The following MRRF variants were observed in gnomAD, a reference collection of about 807,000 sequenced individuals.
MRRF encodes ribosome-recycling factor, mitochondrial.
In MRRF, 18 loss-of-function variants were observed where a neutral mutation model predicts 25.1. That is an observed-to-expected ratio of 0.72 (90% CI 0.50 to 1.06). MRRF has a LOEUF of 1.06. MRRF is among the 50% of genes least tolerant of loss of function. The pLI is 0.00. For missense variants in MRRF, 323 were observed against 319.3 expected (o/e 1.01, Z -0.09); for synonymous variants, 113 against 112.1 (o/e 1.01, Z -0.05).
At chr9:122,311,726 A>T (rs1835217549) in intron 5 of MRRF, among the ~76,000 whole-genome samples, 1 of 152,320 alleles carries the variant, frequency 6.6e-6, no homozygotes, top group South Asian at 2.1e-4. Flanking sequence ...ACAGTGAGAT[A>T]CCTATTTGAA....
intron 5 of MRRF, among the ~76,000 whole-genome samples, chr9:122,308,691 T>C (rs1388454621): frequency 1.8e-5 from 2 of 109,896 alleles, no homozygotes; most frequent in Admixed American, 1.2e-4. Context: ...AGAGCAAGAC[T>C]CCATCTCCAA....
intron 6 of MRRF, among the ~76,000 whole-genome samples, chr9:122,315,992 T>A (rs895954383): frequency 4.3e-4 from 65 of 152,324 alleles, no homozygotes; most frequent in African/African-American, 1.5e-3. Context: ...GTGATTTTTT[T>A]AAGTGAAAAT....
At chr9:122,319,147 CT>C (rs35949709) in intron 6 of MRRF, among the ~76,000 whole-genome samples, 1,399 of 121,026 alleles carry the variant, frequency 0.012, 11 homozygotes, top group African/African-American at 0.038. Context: ...TTCTTTCTTT[CT>C]TTTTTTTTTT....
intron 1 of MRRF, among the ~76,000 whole-genome samples, chr9:122,270,626 C>T (rs1832388957): frequency 6.6e-6 from 1 of 152,020 alleles, no homozygotes; most frequent in Non-Finnish European, 1.5e-5. Flanking sequence ...GTTTGGAGTC[C>T]AAAGTGGGGA....
chr9:122,285,884 C>T, intron 4 of MRRF: 1 of 1,285,998 alleles, frequency 7.8e-7, no homozygotes. Context: ...CCAGGAAGTC[C>T]TTTTATACTA....
chr9:122,296,708 TTCTGCC>T (rs1834107733), intron 5 of MRRF, among the ~76,000 whole-genome samples: 1 of 152,218 alleles, frequency 6.6e-6, no homozygotes, highest in Admixed American at 6.5e-5. Context: ...CAGGCCAGGT[TTCTGCC>T]TCCACCTTAT....
At chr9:122,303,838 G>A (rs1054397802) in intron 5 of MRRF, among the ~76,000 whole-genome samples, 1 of 152,172 alleles carries the variant, frequency 6.6e-6, no homozygotes, top group Non-Finnish European at 1.5e-5. Flanking sequence ...CTCTTGCCAT[G>A]TAATCACATT....
At position 122,270,990 on chromosome 9, in the gene MRRF, AGT is replaced by A; in HGVS notation, c.101_102del (p.Val34AlafsTer2). ...CCGTTTCAGAAGTTACACTGAAGAC[AGT>A]GCATGAAAGACAACATGGCCATAGG... The part of the protein sequence containing the change: ...RPVSEVTLKT[V>X]HERQHGHRQY... On this transcript the variant is annotated frameshift_variant, in exon 2 of 7. Coordinates refer to ENST00000344641, the MANE Select transcript of MRRF (RefSeq NM_138777.5). LOFTEE classifies it high-confidence loss of function. The A allele has an allele frequency of 6.2e-7, 1 of 1,614,214 alleles. No individual in the cohort carries two copies. The highest frequency in any genetic ancestry group is 1.3e-5 in the African/African-American group (1 of 75,070).
chr9:122,328,930 C>T lies in MRRF; in HGVS notation c.*6313C>T, dbSNP rs1836213924. 6.6e-6 allele frequency: 1 copy of T among 151,970 alleles called. No homozygotes were observed. Among genetic ancestry groups the T allele is most frequent in the Middle Eastern group, 3.2e-3 (1 of 316 alleles). The allele number at this position is 151,970 out of a possible 1,614,324, so 9.4% of individuals were successfully genotyped here. A position where few individuals can be genotyped will look rare whatever the true frequency, so the allele number is the denominator to read the frequency against. On this transcript the variant is annotated 3_prime_UTR_variant, in exon 7 of 7. Coordinates refer to ENST00000344641, the MANE Select transcript of MRRF (RefSeq NM_138777.5). Reference sequence around the variant, plus strand: ...ACTTGAACTCCTGGGTTCAAGTGATCCTGGAACTGCAGATATGCACAGCTG... The same window carrying T: ...ACTTGAACTCCTGGGTTCAAGTGATTCTGGAACTGCAGATATGCACAGCTG...
chr9:122,297,693 G>A (rs774695870), intron 5 of MRRF, among the ~76,000 whole-genome samples: 2 of 152,158 alleles, frequency 1.3e-5, no homozygotes, highest in African/African-American at 2.4e-5. Context: ...CATGGGGACC[G>A]TAATTGGGAA....
rs1833309778 is a variant in MRRF, at chr9:122,285,163, T to C, written c.341-6T>C. On this transcript the variant is annotated splice_polypyrimidine_tract_variant and splice_region_variant and intron_variant, in intron 3 of 6. Coordinates refer to ENST00000344641, the MANE Select transcript of MRRF (RefSeq NM_138777.5). The stretch of plus-strand genomic sequence containing the variant: ...GAATTCTAAAACTCTGTAATTTTTC[T>C]TTTAGGATCCCTTGACAAGATTGCT... The C allele has an allele frequency of 6.3e-7, 1 of 1,586,912 alleles. No homozygotes were observed. The highest frequency in any genetic ancestry group is 2.2e-5 in the East Asian group (1 of 44,702).
At chr9:122,294,102 G>T (rs986466525) in intron 5 of MRRF, among the ~76,000 whole-genome samples, 1 of 152,162 alleles carries the variant, frequency 6.6e-6, no homozygotes, top group Non-Finnish European at 1.5e-5. Context: ...GTGAAACCTT[G>T]GACAGTCACT....
At chr9:122,308,866 C>G (rs1335720052) in intron 5 of MRRF, among the ~76,000 whole-genome samples, 2 of 152,146 alleles carry the variant, frequency 1.3e-5, no homozygotes, top group Non-Finnish European at 2.9e-5. Context: ...TGACACCTGG[C>G]TAATTTTATT....
chr9:122,307,435 T>C (rs1283307849), intron 5 of MRRF, among the ~76,000 whole-genome samples: 2 of 152,236 alleles, frequency 1.3e-5, no homozygotes, highest in African/African-American at 4.8e-5. Flanking sequence ...CTCTGCTCAC[T>C]ATCTGCTCAG....
In MRRF at chr9:122,327,677, T is replaced by C. The variant is rs958630019; in HGVS notation, c.*5060T>C. On this transcript the variant is annotated 3_prime_UTR_variant, in exon 7 of 7. Coordinates refer to ENST00000344641, the MANE Select transcript of MRRF (RefSeq NM_138777.5). ...TGCTTTATGAAAATGGATTCTGCTT[T>C]GTGAAAGTACTGCTGTGTTGTTTTA... 2 of 152,248 alleles carry C rather than the reference T, an allele frequency of 1.3e-5. No homozygotes were observed. Among genetic ancestry groups the C allele is most frequent in the Admixed American group, 6.5e-5 (1 of 15,288 alleles). The allele number at this position is 152,248 out of a possible 1,614,324, so 9.4% of individuals were successfully genotyped here. A position where few individuals can be genotyped will look rare whatever the true frequency, so the allele number is the denominator to read the frequency against.
intron 5 of MRRF, among the ~76,000 whole-genome samples, chr9:122,297,143 T>C (rs141943719): frequency 2.5e-3 from 384 of 152,184 alleles, no homozygotes; most frequent in African/African-American, 8.5e-3. Flanking sequence ...TGAAACCCCA[T>C]CTCTACTAAA....
In MRRF at chr9:122,284,285, C is replaced by G. The variant is rs370279834; in HGVS notation, c.341-884C>G. ...CCTTGACTGAAATCAGAATTAAGCA[C>G]ACCTGAGTTTGGGTCTTGGCTCTTG... On this transcript the variant is annotated intron_variant, in intron 3 of 6. Coordinates refer to ENST00000344641, the MANE Select transcript of MRRF (RefSeq NM_138777.5). Among the ~76,000 whole-genome samples, 210 of 152,130 alleles carry G rather than the reference C, an allele frequency of 1.4e-3. 1 individual carries two copies. Among genetic ancestry groups the G allele is most frequent in the African/African-American group, 4.7e-3 (197 of 41,506 alleles).
At chr9:122,284,344 G>A (rs190879781) in intron 3 of MRRF, among the ~76,000 whole-genome samples, 1 of 152,258 alleles carries the variant, frequency 6.6e-6, no homozygotes, top group East Asian at 1.9e-4. Context: ...ATCTTGGCCT[G>A]TTTATTCTTC....
chr9:122,277,239 G>A (rs1304363302), intron 2 of MRRF, among the ~76,000 whole-genome samples: 1 of 151,990 alleles, frequency 6.6e-6, no homozygotes. Context: ...TATCTTTCTG[G>A]TGAATTGTTT....
Sources: gnomAD v4.1 joint callset for allele counts (sites outside exome capture counted in the v4.1 genomes callset) on GRCh38, gnomAD v4.1.1 for gene constraint, MANE v1.5 for transcripts, NCBI Gene and HGNC (gene_info 2026-07-23, HGNC 2026-07-21) for gene names.